Variants in KCNMA1 observed in about 807,000 individuals in gnomAD.
KCNMA1 encodes the protein potassium calcium-activated channel subfamily M alpha 1.
In KCNMA1, 29 loss-of-function variants were observed where a neutral mutation model predicts 140.0. The ratio of observed to expected loss-of-function variants is 0.21; its 90% CI spans 0.15 to 0.28. The LOEUF is 0.28. Ranked by LOEUF, KCNMA1 falls within the 10% of genes least tolerant of loss-of-function variation. KCNMA1 has a pLI of 1.00. For synonymous variants in KCNMA1, 612 were observed against 611.9 expected, an observed-to-expected ratio of 1.00 and a Z score of 0.00; for missense variants, 880 against 1,602.2, an observed-to-expected ratio of 0.55 and a Z score of 7.70.
At chr10:76,919,867 G>A (rs1467484019) in intron 23 of KCNMA1, among the ~76,000 whole-genome samples, 2 of 151,214 alleles carry the variant, frequency 1.3e-5, no homozygotes, top group African/African-American at 2.4e-5. Context: ...ATAAGTATTC[G>A]TGGATCACTT....
intron 1 of KCNMA1, among the ~76,000 whole-genome samples, chr10:77,440,021 G>C (rs72807566): frequency 0.12 from 18,358 of 152,234 alleles, 1,168 homozygotes; most frequent in South Asian, 0.16. Context: ...GGGCCAGGGC[G>C]GGGGCTGGGA....
chr10:77,232,162 C>T (rs1447853247), intron 3 of KCNMA1, among the ~76,000 whole-genome samples: 1 of 152,198 alleles, frequency 6.6e-6, no homozygotes, highest in Non-Finnish European at 1.5e-5. Context: ...AAGCACATCA[C>T]ATTTTGTTAA....
At position 77,038,788 on chromosome 10, in the gene KCNMA1, A is replaced by G. The variant is rs375056139; in HGVS notation, c.1859+740T>C. ...ATGCCTAGCCTCAAGTGATCCTCTC[A>G]CCTCAGCTTCTAAAAGTGGTGGGAT... On this transcript the variant is annotated intron_variant, in intron 15 of 27. Coordinates refer to ENST00000286628, the MANE Select transcript of KCNMA1 (RefSeq NM_001161352.2). Among the ~76,000 whole-genome samples the G allele has an allele frequency of 1.4e-4, 22 of 152,166 alleles. No homozygotes were observed. The East Asian group carries it at 4.1e-3, about 28-fold the overall frequency.
intron 2 of KCNMA1, among the ~76,000 whole-genome samples, chr10:77,345,942 G>A (rs894424105): frequency 6.6e-6 from 1 of 152,122 alleles, no homozygotes; most frequent in African/African-American, 2.4e-5. Context: ...ATAACACCTA[G>A]CTCTATCCCC....
intron 1 of KCNMA1, among the ~76,000 whole-genome samples, chr10:77,631,979 C>T (rs949627893): frequency 2.6e-5 from 4 of 152,174 alleles, no homozygotes; most frequent in African/African-American, 9.7e-5. Context: ...CTATCACAGA[C>T]CTCAATTTGC....
intron 3 of KCNMA1, among the ~76,000 whole-genome samples, chr10:77,194,273 C>T (rs912395744): frequency 1.3e-5 from 2 of 152,144 alleles, no homozygotes; most frequent in Admixed American, 1.3e-4. Flanking sequence ...GGCTGGTACT[C>T]CCATAGCATA....
intron 5 of KCNMA1, among the ~76,000 whole-genome samples, chr10:77,142,144 G>T (rs1425570194): frequency 6.6e-6 from 1 of 152,126 alleles, no homozygotes; most frequent in Non-Finnish European, 1.5e-5. Context: ...GAGGCAGGCG[G>T]ATCACAAGGT....
chr10:76,953,912 C>T lies in KCNMA1; in HGVS notation c.2373G>A (p.Leu791=), dbSNP rs2067195677. The T allele has an allele frequency of 1.2e-6, 2 of 1,614,098 alleles. No individual in the cohort carries two copies. Among genetic ancestry groups the T allele is most frequent in the Non-Finnish European group, 1.7e-6 (2 of 1,179,978 alleles). Reference sequence around the variant, plus strand: ...CAATCTGATCATTGCCAGGAATTAACAAGGGGTCATGCCTGGGAAGAAAAG... The same window carrying T: ...CAATCTGATCATTGCCAGGAATTAATAAGGGGTCATGCCTGGGAAGAAAAG... ...TSPKLMRHDP[L]LIPGNDQIDN... Residue 791 remains leucine, a synonymous_variant, in exon 21 of 28, where the codon TTG becomes TTA. Transcript: ENST00000286628.
At chr10:77,477,602 G>T (rs550472518) in intron 1 of KCNMA1, among the ~76,000 whole-genome samples, 125 of 152,308 alleles carry the variant, frequency 8.2e-4, no homozygotes, top group African/African-American at 2.8e-3. Flanking sequence ...ATAGATTATG[G>T]ATGTCTGTTA....
intron 1 of KCNMA1, among the ~76,000 whole-genome samples, chr10:77,475,882 C>T (rs2154529971): frequency 6.6e-6 from 1 of 152,344 alleles, no homozygotes; most frequent in Middle Eastern, 3.4e-3. Flanking sequence ...CAGGGTCTCA[C>T]AGTGAGGCTC....
intron 15 of KCNMA1, among the ~76,000 whole-genome samples, chr10:77,033,093 G>C (rs1469241820): frequency 2.6e-5 from 4 of 152,072 alleles, no homozygotes; most frequent in African/African-American, 9.7e-5. Flanking sequence ...GCTATCCAGA[G>C]GGCCCCTGGG....
intron 9 of KCNMA1, 64 bp from the exon 10 acceptor site, chr10:77,090,574 T>C: frequency 1.9e-6 from 2 of 1,069,954 alleles, no homozygotes; most frequent in Non-Finnish European, 2.9e-6. Context: ...TCCCACCCCC[T>C]GGCAAGACAG....
chr10:76,971,832 G>GA (rs572367667), intron 19 of KCNMA1, among the ~76,000 whole-genome samples: 4 of 152,158 alleles, frequency 2.6e-5, no homozygotes, highest in East Asian at 3.8e-4. Flanking sequence ...AAATGGTATT[G>GA]AAAAAATCAC....
chr10:77,030,405 C>T (rs1305176860), intron 15 of KCNMA1, among the ~76,000 whole-genome samples: 1 of 152,106 alleles, frequency 6.6e-6, no homozygotes, highest in Non-Finnish European at 1.5e-5. Flanking sequence ...GTTTATTGAA[C>T]CAAATTACCA....
rs962396632 is a variant in KCNMA1, at chr10:77,138,757, G to A, written c.809-17709C>T. ...TCATCACCACTCTCCATGTCCTCAC[G>A]CCCTGCACACAGTGTCTCTGCTCCA... On this transcript the variant is annotated intron_variant, in intron 5 of 27. Transcript: ENST00000286628. 3.3e-5 allele frequency among the ~76,000 whole-genome samples: 5 copies of A among 152,034 alleles called. No homozygotes were observed. In the South Asian group the frequency reaches 8.3e-4, roughly 25 times the overall value.
At chr10:77,336,359 C>G (rs1300048102) in intron 2 of KCNMA1, among the ~76,000 whole-genome samples, 1 of 147,966 alleles carries the variant, frequency 6.8e-6, no homozygotes, top group African/African-American at 2.5e-5. Flanking sequence ...GAGCTGTACA[C>G]AAAGATATGT....
intron 8 of KCNMA1, 69 bp downstream of exon 8, chr10:77,110,104 T>A: frequency 7.4e-7 from 1 of 1,350,702 alleles, no homozygotes; most frequent in Non-Finnish European, 1.1e-6. Flanking sequence ...TACAAAGCTT[T>A]AAGGAAATGT....
intron 9 of KCNMA1, among the ~76,000 whole-genome samples, chr10:77,096,432 T>C (rs2096934189): frequency 6.6e-6 from 1 of 152,162 alleles, no homozygotes; most frequent in Non-Finnish European, 1.5e-5. Context: ...CCCTATTTAC[T>C]GTCCCCACTG....
chr10:77,307,692 G>A lies in KCNMA1; in HGVS notation c.541-56436C>T, dbSNP rs549769616. Among the ~76,000 whole-genome samples the A allele has an allele frequency of 2.2e-4, 33 of 152,116 alleles. No homozygotes were observed. The South Asian group carries it at 4.4e-3, about 20-fold the overall frequency. Reference sequence around the variant, plus strand: ...CTCCCAAGTAGCTGGGACTACAGGCGCGCACCACCACGCCCAGCTAATTTT... The same window carrying A: ...CTCCCAAGTAGCTGGGACTACAGGCACGCACCACCACGCCCAGCTAATTTT... On this transcript the variant is annotated intron_variant, in intron 2 of 27. Coordinates refer to ENST00000286628, the MANE Select transcript of KCNMA1 (RefSeq NM_001161352.2).
Sources: gnomAD v4.1 joint callset for allele counts (sites outside exome capture counted in the v4.1 genomes callset) on GRCh38, gnomAD v4.1.1 for gene constraint, MANE v1.5 for transcripts, NCBI Gene and HGNC (gene_info 2026-07-23, HGNC 2026-07-21) for gene names.